The following MCAM variants were observed in gnomAD, a reference collection of about 807,000 sequenced individuals.
MCAM encodes the protein cell surface glycoprotein MUC18.
MCAM carries 55 observed loss-of-function variants against 79.1 expected under a neutral mutation model. That is an observed-to-expected ratio of 0.70 (90% CI 0.56 to 0.87). The LOEUF is 0.87. Ranked by LOEUF, MCAM falls within the 40% of genes least tolerant of loss-of-function variation. MCAM has a pLI of 0.00. For synonymous variants in MCAM, 330 were observed against 339.8 expected, an observed-to-expected ratio of 0.97 and a Z score of 0.32; for missense variants, 745 against 839.8, an observed-to-expected ratio of 0.89 and a Z score of 1.40.
chr11:119,310,758 C>T lies in MCAM; in HGVS notation c.1791G>A (p.Glu597=). ...GGAGGGGCCGGTGTTGGGCTTACAT[C>T]TCCTGCTTCCCTGAGCGCCTGCACG... ...KLPCRRSGKQ[E]ITLPPSRKSE... is the part of the protein sequence containing the mutation. The change falls in exon 14 of 16, where the codon GAG becomes GAA. Residue 597 remains glutamate (E), a splice_region_variant and synonymous_variant. Transcript: ENST00000264036. 6.2e-7 allele frequency: 1 copy of T among 1,613,860 alleles called. No homozygotes were observed. Among genetic ancestry groups the T allele is most frequent in the Non-Finnish European group, 8.5e-7 (1 of 1,179,944 alleles).
At position 119,314,885 on chromosome 11, in the gene MCAM, G is replaced by A; in HGVS notation, c.348C>T (p.Cys116=). The A allele has an allele frequency of 6.2e-7, 1 of 1,613,494 alleles. No homozygotes were observed. ...VTPQDERIFL[C]QGKRPRSQEY... is the part of the protein sequence containing the mutation. Reference sequence around the variant, plus strand: ...CCTGGGACCGAGGGCGCTTGCCCTGGCACAAGAAGATGCGCTCGTCTTGGG... The same window carrying A: ...CCTGGGACCGAGGGCGCTTGCCCTGACACAAGAAGATGCGCTCGTCTTGGG... The change falls in exon 3 of 16, where the codon TGC becomes TGT. Residue 116 remains cysteine (C), a synonymous_variant. Transcript: ENST00000264036.
At chr11:119,310,495 G>C in intron 14 of MCAM, 29 bp from the exon 15 acceptor site, 1 of 1,407,448 alleles carries the variant, frequency 7.1e-7, no homozygotes, top group Non-Finnish European at 1.0e-6. Flanking sequence ...GTGAGAGGTT[G>C]GTATCTCAGG....
At chr11:119,314,196 C>G in intron 5 of MCAM, 1 of 467,850 alleles carries the variant, frequency 2.1e-6, no homozygotes, top group Non-Finnish European at 3.6e-6. Context: ...CGCTCTGTCA[C>G]CCAGGCCGGA....
rs1486452246 is a variant in MCAM at position 119,316,611 on chromosome 11, G to A, written c.67+424C>T. ...CAGAAGGGGGAAGGGGTGGGTCGGC[G>A]CACCCCCTCCAGCGAAGGAAGCTGC... On this transcript the variant is annotated intron_variant, in intron 1 of 15. Coordinates refer to ENST00000264036, the MANE Select transcript of MCAM (RefSeq NM_006500.3). The surrounding 1 kb of genome is among the most constrained non-coding windows in gnomAD (Gnocchi z 4.8). 1.2e-5 allele frequency: 2 copies of A among 160,250 alleles called. No individual in the cohort carries two copies. Among genetic ancestry groups the A allele is most frequent in the Admixed American group, 6.5e-5 (1 of 15,426 alleles). The allele number at this position is 160,250 out of a possible 1,614,324, so 9.9% of individuals were successfully genotyped here.
Position 119,316,959 on chromosome 11 carries a change from G to T in MCAM, c.67+76C>A. On this transcript the variant is annotated intron_variant, in intron 1 of 15. Transcript: ENST00000264036. This position sits in a 1 kb window ranked among gnomAD's most constrained non-coding sequence, Gnocchi z 4.8. Reference sequence around the variant, plus strand: ...AGACGCAACGCCCCGACCCCGCCGCGCCGCTGGCTCTGCTCCCTGGCACGC... The same window carrying T: ...AGACGCAACGCCCCGACCCCGCCGCTCCGCTGGCTCTGCTCCCTGGCACGC... 1 of 1,321,798 alleles carries T rather than the reference G, an allele frequency of 7.6e-7. No individual in the cohort carries two copies. The allele number at this position is 1,321,798 out of a possible 1,614,324, so 81.9% of individuals were successfully genotyped here.
chr11:119,309,974 A>G (rs1950204960), intron 15 of MCAM, 59 bp from the exon 16 acceptor site: 2 of 1,390,794 alleles, frequency 1.4e-6, no homozygotes, highest in Admixed American at 1.9e-5. Context: ...TGAAGGTGTG[A>G]GCACCGAGAG....
In MCAM at chr11:119,314,824, G is replaced by T. The variant is rs1341770612; in HGVS notation, c.400+9C>A. 2 of 1,613,572 alleles carry T rather than the reference G, an allele frequency of 1.2e-6. No individual in the cohort carries two copies. Among genetic ancestry groups the T allele is most frequent in the Non-Finnish European group, 1.7e-6 (2 of 1,179,970 alleles). ...TCACTACCCTGCTGGCAGACACAGG[G>T]TCACGCACTGTAGACGCGGAGCTGG... On this transcript the variant is annotated intron_variant, in intron 3 of 15. Transcript: ENST00000264036.
At chr11:119,313,175 A>C (rs972471559) in intron 5 of MCAM, 2 of 1,504,084 alleles carry the variant, frequency 1.3e-6, no homozygotes, top group African/African-American at 2.8e-5. Flanking sequence ...GATGTGTGCA[A>C]AGAATGCTGC....
At position 119,315,040 on chromosome 11, in the gene MCAM, C is replaced by T; in HGVS notation, c.193G>A (p.Val65Ile). The T allele has an allele frequency of 4.4e-6, 7 of 1,608,556 alleles. No homozygotes were observed. The highest frequency in any genetic ancestry group is 5.1e-6 in the Non-Finnish European group (6 of 1,179,808). ...GNLSHVDWFS[V>I]HKEKRTLIFR... The stretch of plus-strand genomic sequence containing the variant: ...ATGAGCGTCCGCTTCTCCTTGTGGA[C>T]CTAATGGGAGGAGACACAGAGGAGG... The change falls in exon 3 of 16, where the codon GTC becomes ATC. Residue 65 changes from valine (V) to isoleucine (I), a missense_variant and splice_region_variant. By Grantham distance (29) the Val-to-Ile change is conservative. Transcript: ENST00000264036. This position sits in a 1 kb window ranked among gnomAD's most constrained non-coding sequence, Gnocchi z 4.4.
chr11:119,310,726 C>T lies in MCAM; in HGVS notation c.1793+30G>A, dbSNP rs149694275. The T allele has an allele frequency of 2.9e-4, 462 of 1,601,902 alleles. 1 individual carries two copies. The highest frequency in any genetic ancestry group is 1.3e-4 in the African/African-American group (10 of 74,744). On this transcript the variant is annotated intron_variant, in intron 14 of 15. Transcript: ENST00000264036. ...GCAGCAGGCTGGGTGGCAAAACGGG[C>T]GGGGGCGGAGGGGCCGGTGTTGGGC...
Position 119,311,451 on chromosome 11 carries a change from G to T in MCAM, c.1408-30C>A, listed in dbSNP as rs961008080. 1.2e-6 allele frequency: 2 copies of T among 1,613,596 alleles called. No individual in the cohort carries two copies. Among genetic ancestry groups the T allele is most frequent in the East Asian group, 4.5e-5 (2 of 44,850 alleles). ...GAGGAAAGGAAGGAGGCAGCTCAGG[G>T]GATGGGGAGGATCTCTGGTCCTGGC... On this transcript the variant is annotated intron_variant, in intron 11 of 15. Transcript: ENST00000264036. This position sits in a 1 kb window ranked among gnomAD's most constrained non-coding sequence, Gnocchi z 4.4.
In MCAM at chr11:119,311,452, G is replaced by A; in HGVS notation, c.1408-31C>T. On this transcript the variant is annotated intron_variant, in intron 11 of 15. Transcript: ENST00000264036. This position sits in a 1 kb window ranked among gnomAD's most constrained non-coding sequence, Gnocchi z 4.4. The stretch of plus-strand genomic sequence containing the variant: ...AGGAAAGGAAGGAGGCAGCTCAGGG[G>A]ATGGGGAGGATCTCTGGTCCTGGCC... The A allele has an allele frequency of 6.2e-7, 1 of 1,613,752 alleles. No homozygotes were observed. The highest frequency in any genetic ancestry group is 8.5e-7 in the Non-Finnish European group (1 of 1,179,674).
rs1950306950 is a variant in MCAM, at chr11:119,315,991, T to A, written c.68-728A>T. ...GATGCCTGGGTTGTTACCTTGGCTC[T>A]CGGACAAGGAGGGCAGGTGGAAGGT... On this transcript the variant is annotated intron_variant, in intron 1 of 15. Transcript: ENST00000264036. This position sits in a 1 kb window ranked among gnomAD's most constrained non-coding sequence, Gnocchi z 4.4. The A allele has an allele frequency of 6.6e-6, 1 of 152,482 alleles. No individual in the cohort carries two copies. The highest frequency in any genetic ancestry group is 1.5e-5 in the Non-Finnish European group (1 of 68,284). 9.4% of individuals were successfully genotyped at this position (152,482 alleles called of 1,614,324 possible).
chr11:119,312,240 C>T lies in MCAM; in HGVS notation c.1024+26G>A. The T allele has an allele frequency of 6.2e-7, 1 of 1,613,284 alleles. No homozygotes were observed. The highest frequency in any genetic ancestry group is 1.3e-5 in the African/African-American group (1 of 75,016). ...TTCCCTATTGCCCCAGCCTGGTCCC[C>T]CTGTCCTGGGTCCCCAGCCCCTCAC... On this transcript the variant is annotated intron_variant, in intron 8 of 15. Coordinates refer to ENST00000264036, the MANE Select transcript of MCAM (RefSeq NM_006500.3). This position sits in a 1 kb window ranked among gnomAD's most constrained non-coding sequence, Gnocchi z 4.9.
At position 119,311,920 on chromosome 11, in the gene MCAM, C is replaced by T. The variant is rs1402486594; in HGVS notation, c.1173G>A (p.Val391=). The part of the protein sequence containing the change: ...ETGQVLERGP[V]LQLHDLKREA... ...CCCGTTTCAGGTCATGCAACTGAAG[C>T]ACAGGCCCCCTTTCCAGCACCTGGC... The change falls in exon 10 of 16, where the codon GTG becomes GTA. Residue 391 remains valine (V), a synonymous_variant. Transcript: ENST00000264036. The surrounding 1 kb of genome is among the most constrained non-coding windows in gnomAD (Gnocchi z 4.4). 1 of 1,613,822 alleles carries T rather than the reference C, an allele frequency of 6.2e-7. No individual in the cohort carries two copies. The highest frequency in any genetic ancestry group is 8.5e-7 in the Non-Finnish European group (1 of 1,180,020).
In MCAM at chr11:119,315,191, T is replaced by G. The variant is rs781604324; in HGVS notation, c.140A>C (p.Lys47Thr). 6.2e-7 allele frequency: 1 copy of G among 1,613,244 alleles called. No individual in the cohort carries two copies. The highest frequency in any genetic ancestry group is 1.1e-5 in the South Asian group (1 of 91,070). ...GCCTTGGGACTGGGAGAGGCCGCAC[T>G]TCAGAAGGGCTGTGCTGCCCACTTC... is the stretch of plus-strand genomic sequence containing the variant. ...EVEVGSTALL[K>T]CGLSQSQGNL... The change falls in exon 2 of 16, where the codon AAG becomes ACG. Residue 47 changes from lysine (K) to threonine (T), a missense_variant. Physicochemically the swap from Lys to Thr is moderately conservative, Grantham distance 78 (BLOSUM62 -1). Transcript: ENST00000264036. This position sits in a 1 kb window ranked among gnomAD's most constrained non-coding sequence, Gnocchi z 4.4.
rs374860225 is a variant in MCAM at position 119,312,301 on chromosome 11, G to A, written c.989C>T (p.Ser330Leu). ...TAGTTCCTGTGGTTCACTCAGCAGCGATATCATGGTGTCCAAGTCCAGGCC... is the reference window on the plus strand; with the variant it reads ...TAGTTCCTGTGGTTCACTCAGCAGCAATATCATGGTGTCCAAGTCCAGGCC... ...CQGLDLDTMI[S>L]LLSEPQELLV... Residue 330 changes from serine to leucine, a missense_variant, in exon 8 of 16, where the codon TCG becomes TTG. Transcript: ENST00000264036. The surrounding 1 kb of genome is among the most constrained non-coding windows in gnomAD (Gnocchi z 4.9). 3.7e-6 allele frequency: 6 copies of A among 1,614,140 alleles called. No homozygotes were observed. The highest frequency in any genetic ancestry group is 1.1e-5 in the South Asian group (1 of 91,080).
chr11:119,309,881 C>A lies in MCAM; in HGVS notation c.*5G>T. The A allele has an allele frequency of 6.3e-7, 1 of 1,599,200 alleles. No individual in the cohort carries two copies. The highest frequency in any genetic ancestry group is 8.5e-7 in the Non-Finnish European group (1 of 1,172,818). ...GGCAGGGAAGGGAGCTGAAGTGATT[C>A]GGGGCTAATGCCTCAGATCGATGTA... On this transcript the variant is annotated 3_prime_UTR_variant, in exon 16 of 16. Transcript: ENST00000264036.
chr11:119,314,806 C>CCTG, intron 3 of MCAM, 27 bp downstream of exon 3: 1 of 1,613,516 alleles, frequency 6.2e-7, no homozygotes, highest in East Asian at 2.2e-5. Context: ...CCCTCACTAC[C>CCTG]CTGCTGGCAG....
Sources: gnomAD v4.1 joint callset for allele counts on GRCh38, gnomAD v4.1.1 for gene constraint, Gnocchi (gnomAD v3.1) non-coding constraint, MANE v1.5 for transcripts, NCBI Gene and HGNC (gene_info 2026-07-23, HGNC 2026-07-21) for gene names.